Variants in PCSK2 observed in about 807,000 individuals in gnomAD.
The protein encoded by PCSK2 is proprotein convertase subtilisin/kexin type 2.
In PCSK2, 14 loss-of-function variants were observed where a neutral mutation model predicts 69.7. That is an observed-to-expected ratio of 0.20 (90% CI 0.13 to 0.31). The LOEUF (loss-of-function observed/expected upper bound fraction) is 0.31. PCSK2 is among the 10% of genes least tolerant of loss of function. PCSK2 has a pLI of 1.00. For synonymous variants in PCSK2, 307 were observed against 320.7 expected, an observed-to-expected ratio of 0.96 and a Z score of 0.46; for missense variants, 544 against 842.5, an observed-to-expected ratio of 0.65 and a Z score of 4.39.
At chr20:17,305,559 T>C (rs967869556) in intron 2 of PCSK2, among the ~76,000 whole-genome samples, 1 of 152,200 alleles carries the variant, frequency 6.6e-6, no homozygotes, top group Admixed American at 6.5e-5. Context: ...CTGGTCACTT[T>C]AATTCTTTTA....
chr20:17,399,680 G>A (rs146816239), intron 5 of PCSK2, among the ~76,000 whole-genome samples: 1 of 152,112 alleles, frequency 6.6e-6, no homozygotes, highest in Non-Finnish European at 1.5e-5. Context: ...CCTGCCGTGC[G>A]ATGCCATGTT....
At position 17,377,635 on chromosome 20, in the gene PCSK2, T is replaced by C. The variant is rs188948288; in HGVS notation, c.543+8358T>C. Among the ~76,000 whole-genome samples the C allele has an allele frequency of 1.6e-3, 241 of 152,366 alleles. No individual in the cohort carries two copies. The Middle Eastern group carries it at 0.024, about 15-fold the overall frequency. Reference sequence around the variant, plus strand: ...AGGCTTAAATAACCTTTGTTTCTTATTGAAAGGAAGGGCTGGCATTTTCAA... The same window carrying C: ...AGGCTTAAATAACCTTTGTTTCTTACTGAAAGGAAGGGCTGGCATTTTCAA... On this transcript the variant is annotated intron_variant, in intron 5 of 11. Coordinates refer to ENST00000262545, the MANE Select transcript of PCSK2 (RefSeq NM_002594.5).
chr20:17,439,662 T>G (rs1198945552), intron 8 of PCSK2, among the ~76,000 whole-genome samples: 1 of 152,250 alleles, frequency 6.6e-6, no homozygotes, highest in Non-Finnish European at 1.5e-5. Flanking sequence ...ATTCCTAGTC[T>G]TACCAGACTA....
At chr20:17,360,668 T>C (rs1165561768) in intron 4 of PCSK2, 28 bp downstream of exon 4, 1 of 1,362,848 alleles carries the variant, frequency 7.3e-7, no homozygotes, top group Non-Finnish European at 1.0e-6. Flanking sequence ...TGTGCCTCAT[T>C]TGGAAATAAG....
intron 6 of PCSK2, among the ~76,000 whole-genome samples, chr20:17,425,077 A>G (rs1055035475): frequency 9.9e-5 from 15 of 152,238 alleles, no homozygotes; most frequent in African/African-American, 3.6e-4. Flanking sequence ...CACCCAGCCT[A>G]TAAAGAATTA....
At chr20:17,307,422 C>T (rs1989359239) in intron 2 of PCSK2, among the ~76,000 whole-genome samples, 1 of 152,114 alleles carries the variant, frequency 6.6e-6, no homozygotes, top group Non-Finnish European at 1.5e-5. Flanking sequence ...TAAGAATGAG[C>T]CATGGGGAAT....
At chr20:17,349,178 G>A (rs922854395) in intron 2 of PCSK2, among the ~76,000 whole-genome samples, 6 of 152,140 alleles carry the variant, frequency 3.9e-5, no homozygotes. Flanking sequence ...ACAGCTTGCT[G>A]GAGACCCCAC....
At chr20:17,404,476 C>T (rs1019212763) in intron 5 of PCSK2, among the ~76,000 whole-genome samples, 2 of 152,184 alleles carry the variant, frequency 1.3e-5, no homozygotes, top group African/African-American at 2.4e-5. Context: ...GTGGAAACCA[C>T]GGTGGCACCT....
chr20:17,273,255 T>C (rs1987937712), intron 2 of PCSK2, among the ~76,000 whole-genome samples: 1 of 152,146 alleles, frequency 6.6e-6, no homozygotes, highest in African/African-American at 2.4e-5. Flanking sequence ...TATCAGTGCT[T>C]CCAAAATAAT....
intron 11 of PCSK2, among the ~76,000 whole-genome samples, chr20:17,469,772 G>A (rs552388010): frequency 6.6e-6 from 1 of 152,208 alleles, no homozygotes; most frequent in Non-Finnish European, 1.5e-5. Context: ...CATGCTAAAT[G>A]TCATCCAGCT....
At chr20:17,333,699 C>T (rs955508680) in intron 2 of PCSK2, among the ~76,000 whole-genome samples, 1 of 151,920 alleles carries the variant, frequency 6.6e-6, no homozygotes, top group Non-Finnish European at 1.5e-5. Flanking sequence ...TTTATGGCTT[C>T]AAACAGCCAG....
chr20:17,430,831 TCA>T (rs561099243), intron 7 of PCSK2, among the ~76,000 whole-genome samples: 61 of 152,332 alleles, frequency 4.0e-4, no homozygotes, highest in African/African-American at 1.4e-3. Context: ...AATTTCTTGT[TCA>T]CACACCCAAG....
In PCSK2 at chr20:17,481,847, G is replaced by A. The variant is rs752672508; in HGVS notation, c.1694G>A (p.Arg565Gln). The A allele has an allele frequency of 5.6e-6, 9 of 1,614,066 alleles. No homozygotes were observed. In the East Asian group the frequency reaches 6.7e-5, roughly 12 times the overall value. The change falls in exon 12 of 12, where the codon CGA (arginine) becomes CAA (glutamine). Residue 565 changes from arginine (R) to glutamine (Q), a missense_variant. Physicochemically the swap from Arg to Gln is conservative, Grantham distance 43. This residue lies in a region of PCSK2 where 200 missense variants were observed against 287.8 expected (regional missense o/e 0.69). Coordinates refer to ENST00000262545, the MANE Select transcript of PCSK2 (RefSeq NM_002594.5). ...MTTHTWGEDARGTWTLELGFV... is the reference protein window; with the variant it reads ...MTTHTWGEDAQGTWTLELGFV... The stretch of plus-strand genomic sequence containing the variant: ...ACTCACACGTGGGGGGAAGACGCCC[G>A]AGGCACCTGGACCCTGGAGCTGGGA...
chr20:17,414,392 G>T lies in PCSK2; in HGVS notation c.620+5053G>T, dbSNP rs994440132. Among the ~76,000 whole-genome samples the T allele has an allele frequency of 2.0e-5, 3 of 152,152 alleles. No individual in the cohort carries two copies. In the East Asian group the frequency reaches 5.8e-4, roughly 29 times the overall value. On this transcript the variant is annotated intron_variant, in intron 6 of 11. Coordinates refer to ENST00000262545, the MANE Select transcript of PCSK2 (RefSeq NM_002594.5). ...CACAGAAATACAAACTACCATCAGAGAATACTATAAACACCTCTACACAAA... is the reference window on the plus strand; with the variant it reads ...CACAGAAATACAAACTACCATCAGATAATACTATAAACACCTCTACACAAA...
intron 5 of PCSK2, among the ~76,000 whole-genome samples, chr20:17,387,627 C>G (rs910304318): frequency 6.6e-6 from 1 of 152,152 alleles, no homozygotes; most frequent in Non-Finnish European, 1.5e-5. Context: ...GCTACAATAT[C>G]TTTTACGATC....
At position 17,237,916 on chromosome 20, in the gene PCSK2, G is replaced by T. The variant is rs879679212; in HGVS notation, c.177+10434G>T. On this transcript the variant is annotated intron_variant, in intron 1 of 11. Transcript: ENST00000262545. ...TGAGGAAGTTGGGGTATTTATACAC[G>T]CATTGCATTGACATATTAATTAATG... is the stretch of plus-strand genomic sequence containing the variant. Among the ~76,000 whole-genome samples, 10 of 152,284 alleles carry T rather than the reference G, an allele frequency of 6.6e-5. 1 individual carries two copies. The highest frequency in any genetic ancestry group is 5.9e-4 in the Admixed American group (9 of 15,292).
intron 11 of PCSK2, among the ~76,000 whole-genome samples, chr20:17,477,083 T>G (rs2033303932): frequency 6.6e-6 from 1 of 152,234 alleles, no homozygotes; most frequent in Non-Finnish European, 1.5e-5. Flanking sequence ...ATTAATGAAC[T>G]GCACTGTATG....
Position 17,353,244 on chromosome 20 carries a change from CG to C in PCSK2, c.283-5082del, listed in dbSNP as rs557735773. Among the ~76,000 whole-genome samples the C allele has an allele frequency of 3.5e-3, 460 of 130,498 alleles. 1 individual carries two copies. The highest frequency in any genetic ancestry group is 5.3e-3 in the Non-Finnish European group (333 of 62,754). 85.6% of individuals were successfully genotyped at this position (130,498 alleles called of 152,430 possible). On this transcript the variant is annotated intron_variant, in intron 2 of 11. Transcript: ENST00000262545. Reference sequence around the variant, plus strand: ...TTGGGAGGCCAAGGCGGGCGGATCACGAGGTCAGGAGATTGAGACCATCCTG... The same window carrying C: ...TTGGGAGGCCAAGGCGGGCGGATCACAGGTCAGGAGATTGAGACCATCCTG...
chr20:17,388,739 C>T (rs548433542), intron 5 of PCSK2, among the ~76,000 whole-genome samples: 1 of 152,028 alleles, frequency 6.6e-6, no homozygotes, highest in African/African-American at 2.4e-5. Flanking sequence ...CCACAGAGAG[C>T]GCTGAATAGC....
Sources: allele counts gnomAD v4.1 joint callset (sites outside exome capture counted in the v4.1 genomes callset), GRCh38; gene constraint gnomAD v4.1.1; regional missense constraint gnomAD v4.1.1; transcripts MANE v1.5; gene names NCBI Gene and HGNC (gene_info 2026-07-23, HGNC 2026-07-21).